DSCAM: variants seen among roughly 807,000 people sequenced by gnomAD.
The protein encoded by DSCAM is DS cell adhesion molecule.
DSCAM carries 47 observed loss-of-function variants against 217.7 expected under a neutral mutation model. The ratio of observed to expected loss-of-function variants is 0.22; its 90% CI spans 0.17 to 0.28. DSCAM has a LOEUF of 0.28. Ranked by LOEUF, DSCAM falls within the 10% of genes least tolerant of loss-of-function variation. DSCAM has a pLI of 1.00. For missense variants in DSCAM, 2,080 were observed against 2,618.3 expected, an observed-to-expected ratio of 0.79 and a Z score of 4.49; for synonymous variants, 1,056 against 1,015.3, an observed-to-expected ratio of 1.04 and a Z score of -0.76.
At chr21:40,588,925 T>C (rs1432021709) in intron 3 of DSCAM, among the ~76,000 whole-genome samples, 1 of 152,204 alleles carries the variant, frequency 6.6e-6, no homozygotes, top group African/African-American at 2.4e-5. Flanking sequence ...ATGATCAGTA[T>C]TCTGTAGCCA....
intron 3 of DSCAM, among the ~76,000 whole-genome samples, chr21:40,527,693 AGTTT>A (rs1273372950): frequency 1.3e-5 from 2 of 152,248 alleles, no homozygotes; most frequent in African/African-American, 4.8e-5. Context: ...GTTTTGAAGT[AGTTT>A]GTTATACAGT....
At chr21:40,249,231 A>G (rs1171060787) in intron 11 of DSCAM, among the ~76,000 whole-genome samples, 1 of 152,132 alleles carries the variant, frequency 6.6e-6, no homozygotes, top group African/African-American at 2.4e-5. Context: ...TCCCACCCAA[A>G]TCTCATCTTG....
At chr21:40,131,920 AC>A (rs1329502705) in intron 19 of DSCAM, among the ~76,000 whole-genome samples, 1 of 152,028 alleles carries the variant, frequency 6.6e-6, no homozygotes, top group East Asian at 1.9e-4. Context: ...TTGAGACAGA[AC>A]TCCATGATTC....
rs370893911 is a variant in DSCAM at position 40,817,959 on chromosome 21, G to A, written c.43+28660C>T. Among the ~76,000 whole-genome samples the A allele has an allele frequency of 1.1e-3, 159 of 151,132 alleles. 1 individual carries two copies. The East Asian group carries it at 0.026, about 25-fold the overall frequency. On this transcript the variant is annotated intron_variant, in intron 1 of 32. Coordinates refer to ENST00000400454, the MANE Select transcript of DSCAM (RefSeq NM_001389.5). ...AAAATACAAAAAATTAGCCGGGCGC[G>A]GTGGCGGGCGCCTGTAGTCCCAGCT...
At chr21:40,318,674 C>T (rs111343370) in intron 8 of DSCAM, among the ~76,000 whole-genome samples, 1,989 of 152,318 alleles carry the variant, frequency 0.013, 18 homozygotes, top group Middle Eastern at 0.024. Context: ...CCGTGACCTG[C>T]ACCTGCTTTA....
At chr21:40,394,039 G>T (rs1202334081) in intron 3 of DSCAM, among the ~76,000 whole-genome samples, 3 of 151,994 alleles carry the variant, frequency 2.0e-5, no homozygotes, top group African/African-American at 7.3e-5. Context: ...AAGTTTCTGT[G>T]GTCAAATCTA....
At chr21:40,712,728 CTATTTTA>C (rs1450766519) in intron 1 of DSCAM, among the ~76,000 whole-genome samples, 7 of 151,886 alleles carry the variant, frequency 4.6e-5, no homozygotes, top group Non-Finnish European at 1.0e-4. Flanking sequence ...TTTGGAATTT[CTATTTTA>C]CAAAATTACA....
intron 1 of DSCAM, among the ~76,000 whole-genome samples, chr21:40,709,571 T>C (rs1042256900): frequency 6.6e-6 from 1 of 152,166 alleles, no homozygotes; most frequent in African/African-American, 2.4e-5. Context: ...CTCCCACTTA[T>C]GAGTGAGAAC....
chr21:40,186,231 C>T (rs951945616), intron 14 of DSCAM, among the ~76,000 whole-genome samples: 2 of 152,144 alleles, frequency 1.3e-5, no homozygotes, highest in Non-Finnish European at 2.9e-5. Flanking sequence ...CTGTGGTTCC[C>T]AGCTGCCTTG....
chr21:40,312,770 G>T (rs770297352), intron 8 of DSCAM, among the ~76,000 whole-genome samples: 1 of 152,016 alleles, frequency 6.6e-6, no homozygotes, highest in Non-Finnish European at 1.5e-5. Context: ...CCTTCTAATT[G>T]TTTCCTGCCT....
At chr21:40,070,288 G>A (rs1376953919) in intron 27 of DSCAM, among the ~76,000 whole-genome samples, 1 of 140,414 alleles carries the variant, frequency 7.1e-6, no homozygotes, top group African/African-American at 2.6e-5. Context: ...GAGGGAGGGA[G>A]GGAGGGAAGG....
At chr21:40,647,222 A>G (rs2089958715) in intron 3 of DSCAM, among the ~76,000 whole-genome samples, 1 of 152,196 alleles carries the variant, frequency 6.6e-6, no homozygotes, top group African/African-American at 2.4e-5. Context: ...ACAAAGGCCA[A>G]TCGATTTGCT....
intron 11 of DSCAM, among the ~76,000 whole-genome samples, chr21:40,200,276 G>A (rs1424666056): frequency 3.9e-5 from 6 of 151,976 alleles, no homozygotes; most frequent in Non-Finnish European, 7.3e-5. Context: ...CCTGAAACTT[G>A]GCAACTCTTA....
At position 40,725,997 on chromosome 21, in the gene DSCAM, C is replaced by T. The variant is rs555649285; in HGVS notation, c.44-17226G>A. Among the ~76,000 whole-genome samples, 300 of 152,142 alleles carry T rather than the reference C, an allele frequency of 2.0e-3. 3 individuals carry two copies. Among genetic ancestry groups the T allele is most frequent in the African/African-American group, 6.4e-3 (267 of 41,520 alleles). On this transcript the variant is annotated intron_variant, in intron 1 of 32. Transcript: ENST00000400454. The stretch of plus-strand genomic sequence containing the variant: ...GAACATACGATATCCAGAAAACAGA[C>T]GGTACAACATAGGTGAGAAACAAAA...
intron 3 of DSCAM, among the ~76,000 whole-genome samples, chr21:40,552,807 A>G (rs572720264): frequency 6.6e-6 from 1 of 151,836 alleles, no homozygotes; most frequent in African/African-American, 2.4e-5. Context: ...TGCCACATAA[A>G]TAGTTTTGAG....
intron 3 of DSCAM, among the ~76,000 whole-genome samples, chr21:40,395,144 T>A (rs2075167297): frequency 6.6e-6 from 1 of 152,186 alleles, no homozygotes; most frequent in African/African-American, 2.4e-5. Context: ...TTTAACTTCT[T>A]CCTCCCTTTC....
intron 1 of DSCAM, among the ~76,000 whole-genome samples, chr21:40,837,383 A>G (rs1423963632): frequency 2.0e-5 from 3 of 152,118 alleles, no homozygotes; most frequent in African/African-American, 7.2e-5. Context: ...AAATAAACCA[A>G]CCACTGATGA....
chr21:40,040,928 A>C (rs950025318), intron 32 of DSCAM, among the ~76,000 whole-genome samples: 4 of 45,642 alleles, frequency 8.8e-5, no homozygotes, highest in African/African-American at 5.5e-4. Flanking sequence ...CAACAACACG[A>C]AAAAAAAAAA....
In DSCAM at chr21:40,133,707, G is replaced by T. The variant is rs946178100; in HGVS notation, c.3562+147C>A. ...AGCAAAGGCAAGAGAGGAAGTTAAT[G>T]GTCTGAATTGCACTGGGATATTTTG... On this transcript the variant is annotated intron_variant, in intron 19 of 32. Transcript: ENST00000400454. 3 of 811,902 alleles carry T rather than the reference G, an allele frequency of 3.7e-6. No individual in the cohort carries two copies. In the African/African-American group the frequency reaches 5.3e-5, roughly 14 times the overall value. 50.3% of individuals were successfully genotyped at this position (811,902 alleles called of 1,614,324 possible). A position where few individuals can be genotyped will look rare whatever the true frequency, so the allele number is the denominator to read the frequency against.
Sources: gnomAD v4.1 joint callset for allele counts (sites outside exome capture counted in the v4.1 genomes callset) on GRCh38, gnomAD v4.1.1 for gene constraint, MANE v1.5 for transcripts, NCBI Gene and HGNC (gene_info 2026-07-23, HGNC 2026-07-21) for gene names.